VWA5B1: variants seen among roughly 807,000 people sequenced by gnomAD.
VWA5B1 encodes von Willebrand factor A domain-containing protein 5B1.
In VWA5B1, 115 loss-of-function variants were observed where a neutral mutation model predicts 118.2. The observed-to-expected ratio is 0.97, with a 90% CI of 0.84 to 1.14. The LOEUF is 1.14. Among genes scored for constraint, VWA5B1 ranks in the 50% most tolerant of loss-of-function variants. The pLI, the probability that VWA5B1 is intolerant of heterozygous loss-of-function variation, is 0.00. For synonymous variants in VWA5B1, 682 were observed against 658.4 expected (o/e 1.04, Z -0.55); for missense variants, 1,596 against 1,603.8 (o/e 1.00, Z 0.08).
intron 1 of VWA5B1, among the ~76,000 whole-genome samples, chr1:20,308,574 C>T (rs928153920): frequency 1.3e-5 from 2 of 152,168 alleles, no homozygotes; most frequent in Admixed American, 6.5e-5. Flanking sequence ...CTTGCCTCCC[C>T]ACCCCCTTGA....
intron 18 of VWA5B1, 110 bp downstream of exon 18, chr1:20,348,468 C>T (rs1461943624): frequency 8.5e-7 from 1 of 1,176,206 alleles, no homozygotes; most frequent in South Asian, 1.3e-5. Context: ...TCTGAGTCTG[C>T]ACTGTGGGCT....
intron 10 of VWA5B1, 29 bp downstream of exon 10, chr1:20,330,411 G>A (rs2089515078): frequency 1.3e-6 from 2 of 1,549,942 alleles, no homozygotes; most frequent in African/African-American, 1.4e-5. Flanking sequence ...TCTAGGCTCG[G>A]TGACTCCAGG....
In VWA5B1 at chr1:20,340,327, G is replaced by A. The variant is rs182184380; in HGVS notation, c.2134-2105G>A. Among the ~76,000 whole-genome samples, 36 of 152,322 alleles carry A rather than the reference G, an allele frequency of 2.4e-4. No homozygotes were observed. In the East Asian group the frequency reaches 6.7e-3, roughly 29 times the overall value. ...TCTGTGACCCAGTGTAGTGTTGACGGCTGGGGGAATCCTAGTGTTTGATTG... is the reference window on the plus strand; with the variant it reads ...TCTGTGACCCAGTGTAGTGTTGACGACTGGGGGAATCCTAGTGTTTGATTG... On this transcript the variant is annotated intron_variant, in intron 14 of 21. Coordinates refer to ENST00000289815, the MANE Select transcript of VWA5B1 (RefSeq NM_001039500.3).
intron 3 of VWA5B1, among the ~76,000 whole-genome samples, chr1:20,313,742 G>A (rs1386792192): frequency 6.6e-6 from 1 of 152,226 alleles, no homozygotes; most frequent in Non-Finnish European, 1.5e-5. Flanking sequence ...AATGTGCAAA[G>A]TTGTCCCTGA....
intron 11 of VWA5B1, among the ~76,000 whole-genome samples, chr1:20,331,524 C>T (rs1013287678): frequency 2.0e-5 from 3 of 152,182 alleles, no homozygotes; most frequent in African/African-American, 7.2e-5. Flanking sequence ...GGAAGAAAAA[C>T]TCTTCAGGCC....
At chr1:20,315,060 G>A (rs1036550661) in intron 4 of VWA5B1, among the ~76,000 whole-genome samples, 1 of 152,246 alleles carries the variant, frequency 6.6e-6, no homozygotes, top group Non-Finnish European at 1.5e-5. Flanking sequence ...AAAGTACAAG[G>A]AAGGAGAAGT....
chr1:20,298,973 C>G (rs928460667), intron 1 of VWA5B1, among the ~76,000 whole-genome samples: 2 of 152,128 alleles, frequency 1.3e-5, no homozygotes, highest in African/African-American at 4.8e-5. Context: ...CCAGAGTCAT[C>G]CCTTCCTAGC....
chr1:20,321,113 C>CA (rs4062863), intron 7 of VWA5B1, among the ~76,000 whole-genome samples: 3,214 of 94,070 alleles, frequency 0.034, 209 homozygotes, highest in African/African-American at 0.069. Flanking sequence ...GTAACAGAGG[C>CA]AAAAAAAAAA....
Position 20,356,857 on chromosome 1 carries a change from T to A in VWA5B1, c.*2594T>A, listed in dbSNP as rs951347159. ...TTAAAGAACTTCAGTGGTATTGAGA[T>A]GACATGCAGCCTCAAAAACGTGCTA... On this transcript the variant is annotated 3_prime_UTR_variant, in exon 22 of 22. Coordinates refer to ENST00000289815, the MANE Select transcript of VWA5B1 (RefSeq NM_001039500.3). Among the ~76,000 whole-genome samples, 1 of 152,178 alleles carries A rather than the reference T, an allele frequency of 6.6e-6. No individual in the cohort carries two copies. The highest frequency in any genetic ancestry group is 2.4e-5 in the African/African-American group (1 of 41,436).
At chr1:20,322,818 T>C (rs1249209204) in intron 7 of VWA5B1, among the ~76,000 whole-genome samples, 1 of 152,134 alleles carries the variant, frequency 6.6e-6, no homozygotes, top group African/African-American at 2.4e-5. Context: ...ACTAAGTAAT[T>C]AAGTCCACCT....
chr1:20,308,568 C>T (rs1393573121), intron 1 of VWA5B1, among the ~76,000 whole-genome samples: 2 of 152,168 alleles, frequency 1.3e-5, no homozygotes, highest in Non-Finnish European at 2.9e-5. Flanking sequence ...TCACGTCTTG[C>T]CTCCCCACCC....
chr1:20,342,729 G>A, intron 15 of VWA5B1, 120 bp downstream of exon 15: 1 of 1,266,070 alleles, frequency 7.9e-7, no homozygotes, highest in Non-Finnish European at 1.1e-6. Flanking sequence ...GTGGTCTGCT[G>A]CGGCTCACCC....
rs917527102 is a variant in VWA5B1 at position 20,343,361 on chromosome 1, A to T, written c.2594A>T (p.Gln865Leu). ...CGCGCCATCATCCGCGACTTCGAGC[A>T]GCTGGCGGAGCGCGAGGGCGAGATC... is the stretch of plus-strand genomic sequence containing the variant. ...AARAIIRDFE[Q>L]LAEREGEIEQ... is the part of the protein sequence containing the mutation. Residue 865 changes from glutamine (Q) to leucine (L), a missense_variant, in exon 16 of 22, where the codon CAG (glutamine) becomes CTG (leucine). Transcript: ENST00000289815. The T allele has an allele frequency of 1.3e-6, 2 of 1,538,242 alleles. No homozygotes were observed. The highest frequency in any genetic ancestry group is 1.7e-6 in the Non-Finnish European group (2 of 1,144,000).
intron 8 of VWA5B1, among the ~76,000 whole-genome samples, chr1:20,326,077 T>TCTC (rs1201715705): frequency 6.6e-6 from 1 of 152,156 alleles, no homozygotes; most frequent in Non-Finnish European, 1.5e-5. Flanking sequence ...ATCAGCAGAA[T>TCTC]CTCCTCCTAG....
At chr1:20,351,984 T>G in intron 20 of VWA5B1, 71 bp from the exon 21 acceptor site, 1 of 1,262,560 alleles carries the variant, frequency 7.9e-7, no homozygotes, top group Non-Finnish European at 1.1e-6. Context: ...CTTCTGACCC[T>G]GACTTTCAGG....
Position 20,342,501 on chromosome 1 carries a change from T to TC in VWA5B1, c.2204dup (p.Leu736SerfsTer28). ...CCGTGGCCCAGGGGCCCGAAGGCCCTCTCTGCTGCCCCAAGGCTGCCAGCC... is the reference window on the plus strand; with the variant it reads ...CCGTGGCCCAGGGGCCCGAAGGCCCTCCTCTGCTGCCCCAAGGCTGCCAGCC... On this transcript the variant is annotated frameshift_variant, in exon 15 of 22. Coordinates refer to ENST00000289815, the MANE Select transcript of VWA5B1 (RefSeq NM_001039500.3). LOFTEE classifies it high-confidence loss of function. 6.4e-7 allele frequency: 1 copy of TC among 1,551,178 alleles called. No individual in the cohort carries two copies. Among genetic ancestry groups the TC allele is most frequent in the Non-Finnish European group, 8.7e-7 (1 of 1,146,836 alleles).
intron 8 of VWA5B1, among the ~76,000 whole-genome samples, chr1:20,324,674 C>T (rs549973640): frequency 4.9e-4 from 74 of 152,196 alleles, no homozygotes; most frequent in Non-Finnish European, 8.8e-4. Context: ...CTAGTTTGTT[C>T]CCAGAGCAAG....
At chr1:20,315,332 C>A (rs549335409) in intron 4 of VWA5B1, among the ~76,000 whole-genome samples, 1 of 152,174 alleles carries the variant, frequency 6.6e-6, no homozygotes, top group Non-Finnish European at 1.5e-5. Flanking sequence ...GCTAAGACTG[C>A]GTTTCTCCCA....
intron 17 of VWA5B1, among the ~76,000 whole-genome samples, chr1:20,345,847 A>G (rs2089996586): frequency 6.6e-6 from 1 of 152,190 alleles, no homozygotes; most frequent in South Asian, 2.1e-4. Flanking sequence ...ATTTTATTGT[A>G]TTTCTTCAAC....
Sources: gnomAD v4.1 joint callset for allele counts (sites outside exome capture counted in the v4.1 genomes callset) on GRCh38, gnomAD v4.1.1 for gene constraint, MANE v1.5 for transcripts, NCBI Gene and HGNC (gene_info 2026-07-23, HGNC 2026-07-21) for gene names.